L3MBTL4: variants seen among roughly 807,000 people sequenced by gnomAD.
L3MBTL4 encodes the protein L3MBTL histone methyl-lysine binding protein 4.
L3MBTL4 carries 70 observed loss-of-function variants against 84.5 expected under a neutral mutation model. That is an observed-to-expected ratio of 0.83 (90% CI 0.68 to 1.01). The LOEUF is 1.01. Ranked by LOEUF, L3MBTL4 falls within the 50% of genes least tolerant of loss-of-function variation. The probability of loss-of-function intolerance (pLI) is 0.00; values close to 1 mark genes in which losing one functional copy is unlikely to be tolerated. For synonymous variants in L3MBTL4, 274 were observed against 259.8 expected (o/e 1.05, Z -0.52); for missense variants, 715 against 754.8 (o/e 0.95, Z 0.62).
chr18:6,018,173 G>C (rs1318626855), intron 16 of L3MBTL4, among the ~76,000 whole-genome samples: 4 of 152,212 alleles, frequency 2.6e-5, no homozygotes, highest in African/African-American at 9.6e-5. Flanking sequence ...GCAAGTGATT[G>C]ATCGGGCAGA....
intron 16 of L3MBTL4, among the ~76,000 whole-genome samples, chr18:6,078,139 G>A (rs540355746): frequency 4.1e-5 from 6 of 147,736 alleles, no homozygotes; most frequent in Non-Finnish European, 6.0e-5. Context: ...AGCTGGCAGG[G>A]GAAAAGGCTG....
intron 1 of L3MBTL4, chr18:6,397,181 C>A (rs1176971040): frequency 6.6e-6 from 1 of 152,168 alleles, no homozygotes; most frequent in Non-Finnish European, 1.5e-5. Flanking sequence ...CATGTCACAT[C>A]TTGAGCATGC....
At chr18:6,254,210 G>A (rs1430784284) in intron 5 of L3MBTL4, among the ~76,000 whole-genome samples, 3 of 151,962 alleles carry the variant, frequency 2.0e-5, no homozygotes. Flanking sequence ...TATTCAAAGA[G>A]GTCTAAGACC....
At chr18:6,227,059 C>T (rs543857316) in intron 10 of L3MBTL4, among the ~76,000 whole-genome samples, 1 of 151,964 alleles carries the variant, frequency 6.6e-6, no homozygotes, top group Non-Finnish European at 1.5e-5. Flanking sequence ...AAGAAAAATA[C>T]ATAAAAATAA....
At chr18:6,220,433 T>C (rs752763712) in intron 10 of L3MBTL4, among the ~76,000 whole-genome samples, 1 of 152,172 alleles carries the variant, frequency 6.6e-6, no homozygotes, top group Non-Finnish European at 1.5e-5. Context: ...TCTGTAGATA[T>C]CCTCCAGACT....
At chr18:6,379,824 G>GAT (rs2054523683) in intron 1 of L3MBTL4, among the ~76,000 whole-genome samples, 1 of 152,136 alleles carries the variant, frequency 6.6e-6, no homozygotes, top group Non-Finnish European at 1.5e-5. Context: ...GAATGATGCT[G>GAT]GCCTCATAAA....
chr18:6,090,209 C>G (rs1057082047), intron 15 of L3MBTL4, among the ~76,000 whole-genome samples: 1 of 152,072 alleles, frequency 6.6e-6, no homozygotes, highest in Admixed American at 6.5e-5. Flanking sequence ...TGACTCTTTA[C>G]AGTTAATATA....
chr18:6,285,483 AGTGTGT>A (rs146666645), intron 4 of L3MBTL4, among the ~76,000 whole-genome samples: 29 of 151,126 alleles, frequency 1.9e-4, no homozygotes, highest in African/African-American at 6.3e-4. Context: ...AGTGCTATAA[AGTGTGT>A]GTGTGTGTGT....
Position 6,060,985 on chromosome 18 carries a change from T to C in L3MBTL4, c.1444+19896A>G, listed in dbSNP as rs182011256. On this transcript the variant is annotated intron_variant, in intron 16 of 18. Coordinates refer to ENST00000317931, the MANE Select transcript of L3MBTL4 (RefSeq NM_001330559.2). ...GTAAACATTCATGTGGAGGTTTTTG[T>C]ACAAATATAAGTTTTAAATTCATTT... Among the ~76,000 whole-genome samples, 27 of 152,284 alleles carry C rather than the reference T, an allele frequency of 1.8e-4. No homozygotes were observed. The East Asian group carries it at 5.0e-3, about 28-fold the overall frequency.
In L3MBTL4 at chr18:5,969,507, C is replaced by A. The variant is rs778529742; in HGVS notation, c.1500G>T (p.Thr500=). 7 of 1,613,694 alleles carry A rather than the reference C, an allele frequency of 4.3e-6. No homozygotes were observed. Among genetic ancestry groups the A allele is most frequent in the Non-Finnish European group, 5.9e-6 (7 of 1,179,914 alleles). ...QVLHQSVSMS[T]VSAHPFRDLP... ...GGTCCCGAAAAGGGTGGGCTGACAC[C>A]GTGGACATGGACACTGACTGGTGAA... The change falls in exon 17 of 19, where the codon ACG becomes ACT. Residue 500 remains threonine (T), a synonymous_variant. Transcript: ENST00000317931.
intron 13 of L3MBTL4, among the ~76,000 whole-genome samples, chr18:6,164,681 C>T (rs745811058): frequency 2.0e-5 from 3 of 152,266 alleles, no homozygotes; most frequent in Non-Finnish European, 2.9e-5. Context: ...CCCATCTGTA[C>T]GTCACCATCA....
chr18:6,201,118 A>G (rs1218885201), intron 12 of L3MBTL4, among the ~76,000 whole-genome samples: 1 of 152,208 alleles, frequency 6.6e-6, no homozygotes, highest in Non-Finnish European at 1.5e-5. Context: ...ACTAACTTAC[A>G]TTCTAGAGGC....
chr18:6,029,553 T>C, intron 16 of L3MBTL4: 1 of 985,382 alleles, frequency 1.0e-6, no homozygotes, highest in African/African-American at 1.7e-5. Context: ...AATACGTCCA[T>C]TTATTGCAGC....
intron 14 of L3MBTL4, among the ~76,000 whole-genome samples, chr18:6,136,311 G>A (rs374445300): frequency 6.6e-6 from 1 of 152,092 alleles, no homozygotes; most frequent in Non-Finnish European, 1.5e-5. Context: ...GAAGAATCAG[G>A]GTGACTCAGG....
intron 1 of L3MBTL4, among the ~76,000 whole-genome samples, chr18:6,356,110 T>C (rs1160634316): frequency 6.6e-6 from 1 of 152,174 alleles, no homozygotes; most frequent in Non-Finnish European, 1.5e-5. Flanking sequence ...GTCCTATGAG[T>C]CACCTGGGCT....
intron 1 of L3MBTL4, among the ~76,000 whole-genome samples, chr18:6,344,880 G>A (rs1477521623): frequency 1.3e-5 from 2 of 151,738 alleles, no homozygotes; most frequent in Non-Finnish European, 2.9e-5. Context: ...AAACAATAAA[G>A]GCCATATATG....
chr18:5,962,777 G>A (rs548950446), intron 17 of L3MBTL4, among the ~76,000 whole-genome samples: 43 of 152,308 alleles, frequency 2.8e-4, no homozygotes, highest in African/African-American at 1.0e-3. Context: ...GGCTAGGCAG[G>A]GCAGGAATCA....
At chr18:6,050,160 A>C (rs1231627673) in intron 16 of L3MBTL4, among the ~76,000 whole-genome samples, 1 of 152,226 alleles carries the variant, frequency 6.6e-6, no homozygotes, top group Non-Finnish European at 1.5e-5. Context: ...ATAAAGTGAC[A>C]TAGTGACAAT....
intron 18 of L3MBTL4, among the ~76,000 whole-genome samples, chr18:5,958,132 A>AGACGAC (rs2095242646): frequency 1.7e-5 from 1 of 59,474 alleles, no homozygotes; most frequent in African/African-American, 6.9e-5. Flanking sequence ...AAGAAGAAAA[A>AGACGAC]GAAGAAGAAG....
Sources: gnomAD v4.1 joint callset for allele counts (sites outside exome capture counted in the v4.1 genomes callset) on GRCh38, gnomAD v4.1.1 for gene constraint, MANE v1.5 for transcripts, NCBI Gene and HGNC (gene_info 2026-07-23, HGNC 2026-07-21) for gene names.